Variants in CTNNA3 observed in about 807,000 individuals in gnomAD.
CTNNA3 encodes the protein catenin alpha 3.
A neutral mutation model predicts 95.7 loss-of-function variants in CTNNA3; 76 were observed. That is an observed-to-expected ratio of 0.79 (90% confidence interval 0.66 to 0.96). The LOEUF (loss-of-function observed/expected upper bound fraction) is 0.96. Among genes scored for constraint, CTNNA3 ranks in the 40% least tolerant of loss-of-function variants. The pLI is 0.00. For missense variants in CTNNA3, 1,191 were observed against 1,089.8 expected (o/e 1.09, Z -1.31); for synonymous variants, 431 against 374.4 (o/e 1.15, Z -1.74).
intron 13 of CTNNA3, among the ~76,000 whole-genome samples, chr10:66,249,062 C>G (rs1367994686): frequency 1.3e-5 from 2 of 152,100 alleles, no homozygotes; most frequent in Admixed American, 6.5e-5. Flanking sequence ...AAGACAGTCT[C>G]TTCAATAAAT....
At chr10:67,182,848 A>C (rs1862629119) in intron 6 of CTNNA3, among the ~76,000 whole-genome samples, 1 of 152,244 alleles carries the variant, frequency 6.6e-6, no homozygotes, top group Non-Finnish European at 1.5e-5. Flanking sequence ...ACAAGAAAAA[A>C]ACAAACAACC....
intron 7 of CTNNA3, among the ~76,000 whole-genome samples, chr10:66,809,961 T>G (rs1239002979): frequency 6.6e-6 from 1 of 152,154 alleles, no homozygotes; most frequent in South Asian, 2.1e-4. Flanking sequence ...ACTGCTACCA[T>G]GCCCGGCTAA....
chr10:66,691,777 G>A lies in CTNNA3; in HGVS notation c.1282-69993C>T, dbSNP rs376684797. Among the ~76,000 whole-genome samples, 61 of 152,242 alleles carry A rather than the reference G, an allele frequency of 4.0e-4. No individual in the cohort carries two copies. The East Asian group carries it at 8.1e-3, about 20-fold the overall frequency. On this transcript the variant is annotated intron_variant, in intron 9 of 17. Transcript: ENST00000433211. ...TCTGAGACAAAACTTCCAGAGGAAC[G>A]ATCAGACAGCAGCATTCGCGGTTCA...
At chr10:66,488,248 A>G (rs987491575) in intron 11 of CTNNA3, among the ~76,000 whole-genome samples, 6 of 152,206 alleles carry the variant, frequency 3.9e-5, no homozygotes, top group Non-Finnish European at 8.8e-5. Context: ...TTCCAAATAA[A>G]TGATTTCATT....
intron 12 of CTNNA3, among the ~76,000 whole-genome samples, chr10:66,296,556 C>CGT (rs1300935348): frequency 8.0e-5 from 12 of 150,280 alleles, no homozygotes; most frequent in African/African-American, 2.5e-4. Flanking sequence ...TGTGTGCATG[C>CGT]GTGTGTGTAT....
intron 14 of CTNNA3, among the ~76,000 whole-genome samples, 188 bp from the exon 15 acceptor site, chr10:66,069,677 T>C (rs1399171777): frequency 6.6e-6 from 1 of 152,166 alleles, no homozygotes; most frequent in Admixed American, 6.6e-5. Flanking sequence ...ATTATAATAG[T>C]TTGCTCTAGA....
intron 14 of CTNNA3, among the ~76,000 whole-genome samples, chr10:66,087,261 G>A (rs144576480): frequency 3.5e-4 from 53 of 152,054 alleles, no homozygotes; most frequent in African/African-American, 1.2e-3. Context: ...ACATACTTGG[G>A]GACCCCCTTT....
At chr10:66,979,706 T>C (rs75901392) in intron 7 of CTNNA3, among the ~76,000 whole-genome samples, 1 of 152,318 alleles carries the variant, frequency 6.6e-6, no homozygotes, top group East Asian at 1.9e-4. Flanking sequence ...AGTACTGTTG[T>C]GCACACATTG....
intron 16 of CTNNA3, among the ~76,000 whole-genome samples, chr10:65,980,451 A>G (rs2078295019): frequency 6.6e-6 from 1 of 151,904 alleles, no homozygotes; most frequent in Admixed American, 6.6e-5. Flanking sequence ...CACAGGATAG[A>G]GAAAGAGGAA....
intron 9 of CTNNA3, among the ~76,000 whole-genome samples, chr10:66,761,675 G>T (rs949503872): frequency 2.0e-5 from 3 of 152,034 alleles, no homozygotes; most frequent in Non-Finnish European, 4.4e-5. Flanking sequence ...TGCATTTATT[G>T]AATGTAATGG....
chr10:66,163,286 A>T (rs992510145), intron 13 of CTNNA3, among the ~76,000 whole-genome samples: 1 of 151,734 alleles, frequency 6.6e-6, no homozygotes. Context: ...CTCCCTGTGG[A>T]GTTTTACCCC....
intron 12 of CTNNA3, among the ~76,000 whole-genome samples, chr10:66,299,796 A>C (rs2091834476): frequency 6.6e-6 from 1 of 152,198 alleles, no homozygotes; most frequent in African/African-American, 2.4e-5. Context: ...TGCTTACTAA[A>C]AGGCCCACAG....
intron 9 of CTNNA3, among the ~76,000 whole-genome samples, chr10:66,679,076 C>T (rs941718795): frequency 6.6e-6 from 1 of 152,092 alleles, no homozygotes; most frequent in Non-Finnish European, 1.5e-5. Flanking sequence ...AAAGATCACT[C>T]TAGCAGCATG....
At chr10:66,021,255 T>G (rs1042515902) in intron 15 of CTNNA3, among the ~76,000 whole-genome samples, 5 of 152,168 alleles carry the variant, frequency 3.3e-5, no homozygotes, top group African/African-American at 9.7e-5. Flanking sequence ...TCAAACCTAC[T>G]AAATTAGGAA....
chr10:66,702,730 A>G (rs1387648688), intron 9 of CTNNA3, among the ~76,000 whole-genome samples: 11 of 123,368 alleles, frequency 8.9e-5, no homozygotes, highest in African/African-American at 3.2e-4. Flanking sequence ...AAAAAAAAGA[A>G]TAAGTAGTAG....
intron 1 of CTNNA3, among the ~76,000 whole-genome samples, chr10:67,650,725 T>C (rs1839852465): frequency 6.6e-6 from 1 of 152,212 alleles, no homozygotes; most frequent in African/African-American, 2.4e-5. Flanking sequence ...GCTCATTGCT[T>C]GCCATTTGAC....
At chr10:67,547,957 T>C (rs1362294077) in intron 3 of CTNNA3, among the ~76,000 whole-genome samples, 1 of 152,190 alleles carries the variant, frequency 6.6e-6, no homozygotes, top group Non-Finnish European at 1.5e-5. Context: ...ATACTCCCCA[T>C]ATCGGTCCAC....
At chr10:65,998,539 G>C (rs1379753810) in intron 15 of CTNNA3, among the ~76,000 whole-genome samples, 1 of 152,094 alleles carries the variant, frequency 6.6e-6, no homozygotes, top group Non-Finnish European at 1.5e-5. Context: ...GCAGAGAATA[G>C]CGCCCTGAAG....
Position 66,257,775 on chromosome 10 carries a change from G to A in CTNNA3, c.1884+22695C>T, listed in dbSNP as rs2090847641. ...AACTGACCTTGCAACTCTCATTTTA[G>A]CTGTAAAGGAATCAGATGGCTCCTA... On this transcript the variant is annotated intron_variant, in intron 13 of 17. Coordinates refer to ENST00000433211, the MANE Select transcript of CTNNA3 (RefSeq NM_013266.4). 1.3e-5 allele frequency among the ~76,000 whole-genome samples: 2 copies of A among 152,136 alleles called. 1 individual carries two copies. The highest frequency in any genetic ancestry group is 4.1e-4 in the South Asian group (2 of 4,822).
Sources: gnomAD v4.1 joint callset for allele counts (sites outside exome capture counted in the v4.1 genomes callset) on GRCh38, gnomAD v4.1.1 for gene constraint, MANE v1.5 for transcripts, NCBI Gene and HGNC (gene_info 2026-07-23, HGNC 2026-07-21) for gene names.